Variants in SLF1 observed in about 807,000 individuals in gnomAD.
SLF1 encodes SMC5-SMC6 complex localization factor protein 1.
A neutral mutation model predicts 123.0 loss-of-function variants in SLF1; 105 were observed. That is an observed-to-expected ratio of 0.85 (90% CI 0.73 to 1.00). The LOEUF (loss-of-function observed/expected upper bound fraction) is 1.00. Ranked by LOEUF, SLF1 falls within the 50% of genes least tolerant of loss-of-function variation. The pLI, the probability that SLF1 is intolerant of heterozygous loss-of-function variation, is 0.00. For synonymous variants in SLF1, 434 were observed against 406.6 expected, an observed-to-expected ratio of 1.07 and a Z score of -0.81; for missense variants, 1,239 against 1,223.0, an observed-to-expected ratio of 1.01 and a Z score of -0.20.
intron 8 of SLF1, among the ~76,000 whole-genome samples, chr5:94,653,815 A>G (rs928771913): frequency 1.3e-5 from 2 of 151,796 alleles, no homozygotes; most frequent in Admixed American, 1.3e-4. Context: ...TTGTTTTTAA[A>G]ATTGAATGCT....
intron 15 of SLF1, among the ~76,000 whole-genome samples, chr5:94,683,108 T>C (rs1169838705): frequency 2.0e-5 from 3 of 152,226 alleles, no homozygotes; most frequent in Non-Finnish European, 4.4e-5. Flanking sequence ...GGTTTTTTTT[T>C]CATATCTTTG....
chr5:94,632,550 A>G (rs1185289070), intron 4 of SLF1, among the ~76,000 whole-genome samples: 2 of 152,174 alleles, frequency 1.3e-5, no homozygotes, highest in Admixed American at 6.5e-5. Context: ...CATTATATAA[A>G]TCTTGCACAT....
Position 94,643,276 on chromosome 5 carries a change from T to G in SLF1, c.435T>G (p.Val145=). 6.5e-7 allele frequency: 1 copy of G among 1,531,074 alleles called. No individual in the cohort carries two copies. The highest frequency in any genetic ancestry group is 8.8e-7 in the Non-Finnish European group (1 of 1,138,096). The allele number at this position is 1,531,074 out of a possible 1,614,324, so 94.8% of individuals were successfully genotyped here. Residue 145 remains valine (V), a synonymous_variant, in exon 5 of 21, where the codon GTT becomes GTG. Transcript: ENST00000265140. Reference sequence around the variant, plus strand: ...TACCATTTACATTTTTATTTAGAGTTTTGGAGGCTGGAAAGGCAAATGTTA... The same window carrying G: ...TACCATTTACATTTTTATTTAGAGTGTTGGAGGCTGGAAAGGCAAATGTTA... ...TDKRSDSLIR[V]LEAGKANVIL... is the part of the protein sequence containing the mutation.
intron 15 of SLF1, among the ~76,000 whole-genome samples, chr5:94,684,741 A>G (rs550625266): frequency 4.2e-4 from 64 of 150,962 alleles, no homozygotes; most frequent in African/African-American, 1.5e-3. Context: ...TGTAGAGGCC[A>G]TATTGGAAGG....
chr5:94,648,278 G>A (rs928630699), intron 5 of SLF1, among the ~76,000 whole-genome samples: 2 of 152,174 alleles, frequency 1.3e-5, no homozygotes, highest in Non-Finnish European at 2.9e-5. Flanking sequence ...AATTCAATCA[G>A]CTATTCTCAG....
intron 12 of SLF1, among the ~76,000 whole-genome samples, chr5:94,667,214 T>A (rs1749875123): frequency 6.6e-6 from 1 of 152,154 alleles, no homozygotes; most frequent in African/African-American, 2.4e-5. Context: ...ATTAAAAAGA[T>A]GATTTAAATA....
chr5:94,622,556 C>T (rs1791887677), intron 1 of SLF1, among the ~76,000 whole-genome samples: 1 of 151,972 alleles, frequency 6.6e-6, no homozygotes, highest in Non-Finnish European at 1.5e-5. Flanking sequence ...AGTCAACATC[C>T]CTCCCCAGTG....
intron 15 of SLF1, among the ~76,000 whole-genome samples, chr5:94,685,465 T>G (rs1297739003): frequency 6.6e-6 from 1 of 152,182 alleles, no homozygotes; most frequent in Non-Finnish European, 1.5e-5. Context: ...TTGGTTGGTC[T>G]TATTTATTCT....
At chr5:94,627,070 A>G (rs1171574815) in intron 1 of SLF1, among the ~76,000 whole-genome samples, 2 of 152,212 alleles carry the variant, frequency 1.3e-5, no homozygotes, top group African/African-American at 2.4e-5. Flanking sequence ...TTACATTTAC[A>G]TGTCTTTAAA....
chr5:94,648,271 T>C (rs572405910), intron 5 of SLF1, among the ~76,000 whole-genome samples: 1 of 152,326 alleles, frequency 6.6e-6, no homozygotes, highest in African/African-American at 2.4e-5. Context: ...AAAAAGAAAT[T>C]CAATCAGCTA....
intron 12 of SLF1, 65 bp from the exon 13 acceptor site, chr5:94,670,086 T>C: frequency 4.9e-6 from 7 of 1,438,366 alleles, no homozygotes; most frequent in Non-Finnish European, 6.5e-6. Context: ...AGGAGAAATA[T>C]TTTGTTCACA....
At chr5:94,642,001 CAG>C (rs35710326) in intron 4 of SLF1, among the ~76,000 whole-genome samples, 2,321 of 152,302 alleles carry the variant, frequency 0.015, 60 homozygotes, top group African/African-American at 0.052. Flanking sequence ...CATCCGGAAA[CAG>C]TGGGTATTTT....
At chr5:94,671,654 T>G (rs1467384841) in intron 14 of SLF1, among the ~76,000 whole-genome samples, 1 of 151,318 alleles carries the variant, frequency 6.6e-6, no homozygotes, top group Non-Finnish European at 1.5e-5. Context: ...CTTTTAATTT[T>G]TTTTTTTTTT....
chr5:94,627,620 A>G (rs892665711), intron 1 of SLF1, among the ~76,000 whole-genome samples: 1 of 139,496 alleles, frequency 7.2e-6, no homozygotes, highest in Non-Finnish European at 1.6e-5. Context: ...ATATATATAT[A>G]GCAAAGTTAA....
chr5:94,640,630 T>G (rs2152472428), intron 4 of SLF1, among the ~76,000 whole-genome samples: 1 of 152,306 alleles, frequency 6.6e-6, no homozygotes, highest in African/African-American at 2.4e-5. Flanking sequence ...TTTAAACTAT[T>G]TGATTATTTT....
intron 4 of SLF1, among the ~76,000 whole-genome samples, chr5:94,631,309 G>T (rs1745170472): frequency 6.6e-6 from 1 of 151,730 alleles, no homozygotes; most frequent in African/African-American, 2.4e-5. Context: ...GGTATATTTT[G>T]ATGAGTTTGG....
chr5:94,654,394 G>GAA (rs11427225), intron 8 of SLF1, among the ~76,000 whole-genome samples: 71 of 106,760 alleles, frequency 6.7e-4, no homozygotes, highest in Admixed American at 1.4e-3. Context: ...AGAGTAAAAA[G>GAA]AAAAAAAAAA....
At position 94,630,678 on chromosome 5, in the gene SLF1, A is replaced by G; in HGVS notation, c.366A>G (p.Gly122=). The change falls in exon 4 of 21, where the codon GGA becomes GGG. Residue 122 remains glycine (G), a synonymous_variant. Coordinates refer to ENST00000265140, the MANE Select transcript of SLF1 (RefSeq NM_032290.4). ...AACTGAAACGCACTGGTGCTCCAGGAGCCTTCCACAGATGGAAAGTTGTCC... is the reference window on the plus strand; with the variant it reads ...AACTGAAACGCACTGGTGCTCCAGGGGCCTTCCACAGATGGAAAGTTGTCC... The part of the protein sequence containing the change: ...REELKRTGAP[G]AFHRWKVVLL... 6.4e-7 allele frequency: 1 copy of G among 1,551,730 alleles called. No homozygotes were observed. The highest frequency in any genetic ancestry group is 1.4e-5 in the African/African-American group (1 of 73,186).
At chr5:94,683,309 G>A (rs1367456408) in intron 15 of SLF1, among the ~76,000 whole-genome samples, 2 of 151,958 alleles carry the variant, frequency 1.3e-5, no homozygotes, top group Non-Finnish European at 2.9e-5. Flanking sequence ...TGTTCTCTTC[G>A]TTTATTCAGC....
Sources: allele counts gnomAD v4.1 joint callset (sites outside exome capture counted in the v4.1 genomes callset), GRCh38; gene constraint gnomAD v4.1.1; transcripts MANE v1.5; gene names NCBI Gene and HGNC (gene_info 2026-07-23, HGNC 2026-07-21).